MAGI2: variants seen among roughly 807,000 people sequenced by gnomAD.
MAGI2 encodes membrane-associated guanylate kinase, WW and PDZ domain-containing protein 2.
A neutral mutation model predicts 133.3 loss-of-function variants in MAGI2; 35 were observed. The observed-to-expected ratio is 0.26, with a 90% CI of 0.20 to 0.35. The LOEUF (loss-of-function observed/expected upper bound fraction) is 0.35, where lower values mean the gene tolerates loss of function less well. Among genes scored for constraint, MAGI2 ranks in the 10% least tolerant of loss-of-function variants. The pLI, the probability that MAGI2 is intolerant of heterozygous loss-of-function variation, is 1.00. For synonymous variants in MAGI2, 729 were observed against 710.6 expected (o/e 1.03, Z -0.41); for missense variants, 1,636 against 1,863.4 (o/e 0.88, Z 2.25).
At chr7:78,191,974 AT>A (rs1307655563) in intron 12 of MAGI2, among the ~76,000 whole-genome samples, 3 of 152,172 alleles carry the variant, frequency 2.0e-5, no homozygotes, top group African/African-American at 7.2e-5. Context: ...GAATCCAAAT[AT>A]TTCTTGACAG....
intron 4 of MAGI2, among the ~76,000 whole-genome samples, chr7:78,511,824 A>T (rs1478317671): frequency 6.6e-6 from 1 of 151,576 alleles, no homozygotes; most frequent in East Asian, 1.9e-4. Flanking sequence ...GGCTGGGCGC[A>T]GTGGCTCATG....
chr7:79,133,638 C>T (rs370189821), intron 1 of MAGI2, among the ~76,000 whole-genome samples: 31 of 152,250 alleles, frequency 2.0e-4, no homozygotes, highest in African/African-American at 7.0e-4. Context: ...TAACTTTTAA[C>T]TTATTTTAAC....
At chr7:78,515,074 C>G (rs1000162848) in intron 4 of MAGI2, among the ~76,000 whole-genome samples, 4 of 152,090 alleles carry the variant, frequency 2.6e-5, no homozygotes, top group Non-Finnish European at 4.4e-5. Flanking sequence ...ATTCTTTGCA[C>G]TAGGCTTACT....
At chr7:78,709,298 C>T (rs1818949663) in intron 2 of MAGI2, among the ~76,000 whole-genome samples, 1 of 151,796 alleles carries the variant, frequency 6.6e-6, no homozygotes, top group Admixed American at 6.6e-5. Context: ...CCCCACTCCA[C>T]ACACACCTCC....
chr7:78,799,701 A>T (rs1434341935), intron 2 of MAGI2, among the ~76,000 whole-genome samples: 1 of 152,164 alleles, frequency 6.6e-6, no homozygotes, highest in Non-Finnish European at 1.5e-5. Context: ...GTTTTAAAGT[A>T]GTAAGTCTTA....
intron 2 of MAGI2, among the ~76,000 whole-genome samples, chr7:79,003,560 G>A (rs755705880): frequency 9.2e-5 from 14 of 152,102 alleles, no homozygotes; most frequent in Non-Finnish European, 1.8e-4. Context: ...GAAAACCAAT[G>A]AGAATTTCTT....
intron 2 of MAGI2, among the ~76,000 whole-genome samples, chr7:78,668,354 T>A (rs1316920035): frequency 5.3e-5 from 8 of 151,224 alleles, no homozygotes; most frequent in Admixed American, 6.6e-5. Flanking sequence ...GCCTGTTCAC[T>A]CTGATGGTAG....
chr7:78,317,481 T>C (rs1787540294), intron 9 of MAGI2, among the ~76,000 whole-genome samples: 1 of 152,182 alleles, frequency 6.6e-6, no homozygotes, highest in Admixed American at 6.5e-5. Context: ...CATAGTAGGT[T>C]AAATGGAGAA....
intron 21 of MAGI2, among the ~76,000 whole-genome samples, chr7:78,021,965 C>T (rs2151037565): frequency 6.6e-6 from 1 of 152,288 alleles, no homozygotes; most frequent in South Asian, 2.1e-4. Flanking sequence ...GATTGGGCTC[C>T]TGTGGAAGCC....
intron 2 of MAGI2, among the ~76,000 whole-genome samples, chr7:78,863,407 G>A (rs1014786045): frequency 5.9e-5 from 9 of 152,160 alleles, no homozygotes; most frequent in African/African-American, 2.2e-4. Flanking sequence ...TGTGTGCAGA[G>A]ATCACATGGT....
chr7:78,950,846 G>GA (rs1801810503), intron 2 of MAGI2, among the ~76,000 whole-genome samples: 1 of 151,948 alleles, frequency 6.6e-6, no homozygotes, highest in Non-Finnish European at 1.5e-5. Flanking sequence ...TTAGAACAGG[G>GA]AAAAATCTAT....
chr7:78,585,961 T>C (rs1452097426), intron 3 of MAGI2, among the ~76,000 whole-genome samples: 1 of 152,206 alleles, frequency 6.6e-6, no homozygotes, highest in Non-Finnish European at 1.5e-5. Flanking sequence ...AGGAGCTCAA[T>C]TCGTGATAAC....
chr7:78,435,073 C>T (rs1800151376), intron 6 of MAGI2, among the ~76,000 whole-genome samples: 1 of 152,104 alleles, frequency 6.6e-6, no homozygotes, highest in Admixed American at 6.6e-5. Flanking sequence ...GCCACTTTGC[C>T]ACCTGTGTCA....
At chr7:78,605,468 C>A (rs1414428189) in intron 3 of MAGI2, among the ~76,000 whole-genome samples, 1 of 152,116 alleles carries the variant, frequency 6.6e-6, no homozygotes, top group Non-Finnish European at 1.5e-5. Flanking sequence ...TGTAATATAA[C>A]CACTTTAATC....
intron 2 of MAGI2, among the ~76,000 whole-genome samples, chr7:78,774,698 C>T (rs1825848421): frequency 6.6e-6 from 1 of 152,020 alleles, no homozygotes; most frequent in South Asian, 2.1e-4. Flanking sequence ...CTGAGAAGAC[C>T]ACAGGCAGGA....
chr7:78,463,895 T>C (rs1380647578), intron 6 of MAGI2, among the ~76,000 whole-genome samples: 2 of 151,272 alleles, frequency 1.3e-5, no homozygotes, highest in African/African-American at 4.9e-5. Context: ...GAAGGGGGAA[T>C]GAAAGAAGGG....
chr7:79,229,714 G>A (rs536766800), intron 1 of MAGI2, among the ~76,000 whole-genome samples: 17 of 152,148 alleles, frequency 1.1e-4, no homozygotes, highest in Non-Finnish European at 2.4e-4. Flanking sequence ...TGCAACTGAT[G>A]ATATGACTTC....
At position 78,636,818 on chromosome 7, in the gene MAGI2, C is replaced by CAAA. The variant is rs397977440; in HGVS notation, c.419-9580_419-9579insTTT. Among the ~76,000 whole-genome samples the CAAA allele has an allele frequency of 6.0e-3, 914 of 152,148 alleles. 7 individuals are homozygous for CAAA. The highest frequency in any genetic ancestry group is 0.021 in the African/African-American group (867 of 41,494). ...ATCTCAAAAAACAAAAAAACCAAAA[C>CAAA]CAAACAAACAAAAACAACACACAAA... On this transcript the variant is annotated intron_variant, in intron 2 of 21. Transcript: ENST00000354212.
intron 2 of MAGI2, among the ~76,000 whole-genome samples, chr7:78,739,489 T>C (rs1198818110): frequency 1.3e-5 from 2 of 152,120 alleles, no homozygotes; most frequent in African/African-American, 2.4e-5. Flanking sequence ...TTGGAGAAGA[T>C]TAGCACTGTG....
Sources: allele counts gnomAD v4.1 joint callset (sites outside exome capture counted in the v4.1 genomes callset), GRCh38; gene constraint gnomAD v4.1.1; transcripts MANE v1.5; gene names NCBI Gene and HGNC (gene_info 2026-07-23, HGNC 2026-07-21).